The following ECHDC2 variants were observed in gnomAD, a reference collection of about 807,000 sequenced individuals.
The protein encoded by ECHDC2 is enoyl-CoA hydratase domain containing 2, also known as enoyl-CoA hydratase domain-containing protein 2, mitochondrial.
ECHDC2 carries 34 observed loss-of-function variants against 40.6 expected under a neutral mutation model. The ratio of observed to expected loss-of-function variants is 0.84; its 90% CI spans 0.64 to 1.11. The LOEUF is 1.11. ECHDC2 is among the 50% of genes most tolerant of loss of function. The probability of loss-of-function intolerance (pLI) is 0.00; values close to 1 mark genes in which losing one functional copy is unlikely to be tolerated. For missense variants in ECHDC2, 392 were observed against 400.7 expected, an observed-to-expected ratio of 0.98 and a Z score of 0.19; for synonymous variants, 162 against 166.6, an observed-to-expected ratio of 0.97 and a Z score of 0.21.
Position 52,903,225 on chromosome 1 carries a change from G to A in ECHDC2, c.702+1421C>T, listed in dbSNP as rs80264509. Among the ~76,000 whole-genome samples the A allele has an allele frequency of 7.5e-3, 1,143 of 152,132 alleles. 12 individuals carry two copies. Among genetic ancestry groups the A allele is most frequent in the African/African-American group, 0.026 (1,077 of 41,492 alleles). Reference sequence around the variant, plus strand: ...CCTACTGAGCATGGTACCCTTTGGGGTACCATGCTGAGAGGTTATTGTTTG... The same window carrying A: ...CCTACTGAGCATGGTACCCTTTGGGATACCATGCTGAGAGGTTATTGTTTG... On this transcript the variant is annotated intron_variant, in intron 7 of 9. Transcript: ENST00000371522.
intron 7 of ECHDC2, among the ~76,000 whole-genome samples, chr1:52,903,575 G>A (rs540801727): frequency 6.6e-6 from 1 of 151,854 alleles, no homozygotes; most frequent in East Asian, 1.9e-4. Flanking sequence ...AAATAACTGG[G>A]ATTACAGGCT....
At chr1:52,899,705 G>C (rs1646867533) in intron 7 of ECHDC2, 2 of 165,340 alleles carry the variant, frequency 1.2e-5, no homozygotes, top group Admixed American at 1.1e-4. Context: ...GCAAATGCCA[G>C]CCTCTGCGGT....
At position 52,896,258 on chromosome 1, in the gene ECHDC2, T is replaced by C. The variant is rs1646631640; in HGVS notation, c.*262A>G. ...CTAATTTAATTCTTTATCATTCAAG[T>C]AGAGAGACAGGCATTTTCCAAAGCA... On this transcript the variant is annotated 3_prime_UTR_variant, in exon 10 of 10. Coordinates refer to ENST00000371522, the MANE Select transcript of ECHDC2 (RefSeq NM_001198961.2). 2 of 473,420 alleles carry C rather than the reference T, an allele frequency of 4.2e-6. No individual in the cohort carries two copies. Among genetic ancestry groups the C allele is most frequent in the African/African-American group, 2.0e-5 (1 of 50,966 alleles). The allele number at this position is 473,420 out of a possible 1,614,324, so 29.3% of individuals were successfully genotyped here.
chr1:52,917,421 A>C, intron 1 of ECHDC2: 1 of 373,158 alleles, frequency 2.7e-6, no homozygotes, highest in South Asian at 2.0e-5. Context: ...ACGAAACATA[A>C]AAGGACAGTG....
rs373532471 is a variant in ECHDC2, at chr1:52,905,034, C to G, written c.514G>C (p.Gly172Arg). 73 of 1,614,088 alleles carry G rather than the reference C, an allele frequency of 4.5e-5. 1 individual carries two copies. Among genetic ancestry groups the G allele is most frequent in the Non-Finnish European group, 1.2e-5 (14 of 1,180,040 alleles). The change falls in exon 6 of 10, where the codon GGA (glycine) becomes CGA (arginine). Residue 172 changes from glycine (G) to arginine (R), a missense_variant and splice_region_variant. Physicochemically the swap from Gly to Arg is moderately radical, Grantham distance 125. Transcript: ENST00000371522. ...GGGCGGGTGCTGTAGTTGCGATTACCTGCCCCCGGGAGGAGCCCTCGCGTG... is the reference window on the plus strand; with the variant it reads ...GGGCGGGTGCTGTAGTTGCGATTACGTGCCCCCGGGAGGAGCCCTCGCGTG... ...ETTRGLLPGA[G>R]GTQRLPRCLG...
intron 7 of ECHDC2, 147 bp downstream of exon 7, chr1:52,904,498 TG>T (rs1419235724): frequency 4.3e-6 from 3 of 703,616 alleles, no homozygotes; most frequent in Admixed American, 6.8e-5. Flanking sequence ...TTGACTTGAT[TG>T]TGTTTACTGG....
At chr1:52,899,070 A>C in intron 8 of ECHDC2, 104 bp downstream of exon 8, 1 of 1,191,982 alleles carries the variant, frequency 8.4e-7, no homozygotes, top group South Asian at 1.2e-5. Flanking sequence ...AGAAGAGTCC[A>C]CTTCCTGAGT....
chr1:52,916,463 A>C (rs1222388168), intron 1 of ECHDC2, among the ~76,000 whole-genome samples: 1 of 152,080 alleles, frequency 6.6e-6, no homozygotes, highest in Non-Finnish European at 1.5e-5. Flanking sequence ...AAACCACTTT[A>C]CCCTTCTGGC....
intron 1 of ECHDC2, chr1:52,921,352 C>T: frequency 1.5e-6 from 2 of 1,292,144 alleles, no homozygotes; most frequent in Non-Finnish European, 2.0e-6. Flanking sequence ...TGCCAGAGGC[C>T]CCCCGCCCCC....
rs771700603 is a variant in ECHDC2, at chr1:52,906,522, C to G, written c.454G>C (p.Ala152Pro). The change falls in exon 5 of 10, where the codon GCA (alanine) becomes CCA (proline). Residue 152 changes from alanine (A) to proline (P), a missense_variant. Coordinates refer to ENST00000371522, the MANE Select transcript of ECHDC2 (RefSeq NM_001198961.2). Reference sequence around the variant, plus strand: ...GCCCCCAGTCCTGGCCCAGTACCTGCCACTCGGAGGTCACAGGCCAGGGCA... The same window carrying G: ...GCCCCCAGTCCTGGCCCAGTACCTGGCACTCGGAGGTCACAGGCCAGGGCA... ...ELALACDLRVAASSAVMGLIE... is the reference protein window; with the variant it reads ...ELALACDLRVPASSAVMGLIE... The G allele has an allele frequency of 8.1e-6, 13 of 1,610,580 alleles. No individual in the cohort carries two copies. The African/African-American group carries it at 1.7e-4, about 22-fold the overall frequency.
intron 1 of ECHDC2, chr1:52,915,165 C>G (rs898281991): frequency 4.4e-6 from 2 of 454,702 alleles, no homozygotes; most frequent in Non-Finnish European, 8.8e-6. Context: ...TCTCCTCCTA[C>G]GAAAAATCAG....
chr1:52,916,853 T>G (rs1010407174), intron 1 of ECHDC2, among the ~76,000 whole-genome samples: 1 of 152,190 alleles, frequency 6.6e-6, no homozygotes, highest in Non-Finnish European at 1.5e-5. Context: ...ACCATACCAC[T>G]GAGCAGCTGA....
intron 1 of ECHDC2, chr1:52,912,005 G>C: frequency 7.0e-7 from 1 of 1,424,588 alleles, no homozygotes; most frequent in South Asian, 1.5e-5. Flanking sequence ...CAGAGAGAAA[G>C]TGGAAGGACT....
chr1:52,917,908 G>A (rs1448368657), intron 1 of ECHDC2, among the ~76,000 whole-genome samples: 1 of 152,108 alleles, frequency 6.6e-6, no homozygotes, highest in Non-Finnish European at 1.5e-5. Context: ...AAAAGACTAT[G>A]TTTTAGGTTT....
chr1:52,920,996 C>T (rs1224969674), intron 1 of ECHDC2, among the ~76,000 whole-genome samples: 1 of 152,242 alleles, frequency 6.6e-6, no homozygotes, highest in Non-Finnish European at 1.5e-5. Flanking sequence ...GAACTTTGCC[C>T]CCCACCCCTC....
At chr1:52,913,805 T>TTGG (rs1158023794) in intron 1 of ECHDC2, 2 of 529,058 alleles carry the variant, frequency 3.8e-6, no homozygotes, top group African/African-American at 4.1e-5. Context: ...GGGTTCGCTC[T>TTGG]TGGTGGTGTA....
intron 1 of ECHDC2, among the ~76,000 whole-genome samples, chr1:52,920,138 G>T (rs1651557517): frequency 6.6e-6 from 1 of 152,158 alleles, no homozygotes; most frequent in South Asian, 2.1e-4. Flanking sequence ...TGTCTTAAGA[G>T]CTGTTGCCAG....
chr1:52,910,563 T>C (rs1196462486), intron 3 of ECHDC2, among the ~76,000 whole-genome samples: 1 of 151,954 alleles, frequency 6.6e-6, no homozygotes, highest in East Asian at 1.9e-4. Flanking sequence ...GAGACGCGGT[T>C]TCACCATATT....
Position 52,896,678 on chromosome 1 carries a change from A to G in ECHDC2, c.802-81T>C, listed in dbSNP as rs1037892461. ...GAGTTGCTTAAGCTTGTCCAGCCCA[A>G]GACAAGGCCAGGGTCCAAGTGTTTC... On this transcript the variant is annotated intron_variant, in intron 9 of 9. Coordinates refer to ENST00000371522, the MANE Select transcript of ECHDC2 (RefSeq NM_001198961.2). 5.2e-6 allele frequency: 6 copies of G among 1,143,592 alleles called. No homozygotes were observed. The African/African-American group carries it at 9.1e-5, about 17-fold the overall frequency. 70.8% of individuals were successfully genotyped at this position (1,143,592 alleles called of 1,614,324 possible).
Sources: gnomAD v4.1 joint callset for allele counts (sites outside exome capture counted in the v4.1 genomes callset) on GRCh38, gnomAD v4.1.1 for gene constraint, MANE v1.5 for transcripts, NCBI Gene and HGNC (gene_info 2026-07-23, HGNC 2026-07-21) for gene names.